OPCML: variants seen among roughly 807,000 people sequenced by gnomAD.
The protein encoded by OPCML is opioid-binding protein/cell adhesion molecule.
OPCML carries 13 observed loss-of-function variants against 37.8 expected under a neutral mutation model. That is an observed-to-expected ratio of 0.34 (90% CI 0.22 to 0.55). The LOEUF (loss-of-function observed/expected upper bound fraction) is 0.55, where lower values mean the gene tolerates loss of function less well. OPCML is among the 20% of genes least tolerant of loss of function. The pLI, the probability that OPCML is intolerant of heterozygous loss-of-function variation, is 0.91. For missense variants in OPCML, 341 were observed against 435.6 expected (o/e 0.78, Z 1.93); for synonymous variants, 176 against 168.8 (o/e 1.04, Z -0.33).
intron 1 of OPCML, among the ~76,000 whole-genome samples, chr11:132,993,031 G>A (rs1190132006): frequency 6.6e-6 from 1 of 151,740 alleles, no homozygotes; most frequent in South Asian, 2.1e-4. Context: ...AGTTTGTGCC[G>A]CAGTTCAGCC....
rs1946762486 is a variant in OPCML, at chr11:133,458,550, T to TGTGTGTATACACATATATACAC, written c.61+73713_61+73714insGTGTATATATGTGTATACACAC. The stretch of plus-strand genomic sequence containing the variant: ...GTGTGTGTATACACATATATACACG[T>TGTGTGTATACACATATATACAC]GTGTGTGTATACACATATATACACG... On this transcript the variant is annotated intron_variant, in intron 1 of 7. Coordinates refer to ENST00000524381, the MANE Select transcript of OPCML (RefSeq NM_001012393.5). Among the ~76,000 whole-genome samples, 9 of 79,242 alleles carry TGTGTGTATACACATATATACAC rather than the reference T, an allele frequency of 1.1e-4. No individual in the cohort carries two copies. In the South Asian group the frequency reaches 2.4e-3, roughly 22 times the overall value. 52.0% of individuals were successfully genotyped at this position (79,242 alleles called of 152,430 possible). A position where few individuals can be genotyped will look rare whatever the true frequency, so the allele number is the denominator to read the frequency against.
intron 2 of OPCML, among the ~76,000 whole-genome samples, chr11:132,803,311 G>A (rs577404390): frequency 2.6e-5 from 4 of 152,230 alleles, no homozygotes; most frequent in East Asian, 3.9e-4. Context: ...TAGATCAAAT[G>A]GCCATTCTAG....
Position 133,256,133 on chromosome 11 carries a change from G to C in OPCML, c.61+276131C>G, listed in dbSNP as rs145775900. Among the ~76,000 whole-genome samples, 1,420 of 152,272 alleles carry C rather than the reference G, an allele frequency of 9.3e-3. 12 individuals carry two copies. Among genetic ancestry groups the C allele is most frequent in the Non-Finnish European group, 0.012 (783 of 68,014 alleles). ...GCTTCTAAAGTTTTCCAAAGTTTAGGAGTCCTGAAGGAACTCGAGCATTGT... is the reference window on the plus strand; with the variant it reads ...GCTTCTAAAGTTTTCCAAAGTTTAGCAGTCCTGAAGGAACTCGAGCATTGT... On this transcript the variant is annotated intron_variant, in intron 1 of 7. Transcript: ENST00000524381.
chr11:133,437,550 T>C (rs146950234), intron 1 of OPCML, among the ~76,000 whole-genome samples: 361 of 152,212 alleles, frequency 2.4e-3, no homozygotes, highest in Non-Finnish European at 3.9e-3. Flanking sequence ...CCCTTCCGCT[T>C]TGAATGCAGG....
At chr11:132,796,178 G>C (rs1938299281) in intron 2 of OPCML, among the ~76,000 whole-genome samples, 1 of 152,052 alleles carries the variant, frequency 6.6e-6, no homozygotes, top group South Asian at 2.1e-4. Context: ...ATCTGCATGA[G>C]GTTCCAGAAT....
chr11:133,375,901 C>T (rs1944791956), intron 1 of OPCML, among the ~76,000 whole-genome samples: 1 of 152,114 alleles, frequency 6.6e-6, no homozygotes, highest in South Asian at 2.1e-4. Context: ...TTAGGAATCT[C>T]AAGACAAAAG....
intron 1 of OPCML, among the ~76,000 whole-genome samples, chr11:133,375,632 C>G (rs1944785507): frequency 6.6e-6 from 1 of 152,104 alleles, no homozygotes; most frequent in Non-Finnish European, 1.5e-5. Flanking sequence ...TGAGTGCCTA[C>G]TATACTCTGC....
At chr11:133,455,543 T>G (rs968752306) in intron 1 of OPCML, among the ~76,000 whole-genome samples, 16 of 152,172 alleles carry the variant, frequency 1.1e-4, no homozygotes, top group African/African-American at 3.9e-4. Context: ...TTTAAAACAA[T>G]TCTCCAGTTT....
rs542729595 is a variant in OPCML, at chr11:132,543,507, T to C, written c.380-14321A>G. On this transcript the variant is annotated intron_variant, in intron 3 of 7. Transcript: ENST00000524381. ...CAGCCTGGAGTACGGTGTCTCCAAG[T>C]GTCTCTAAAAAAGAAAAAAAATTAA... is the stretch of plus-strand genomic sequence containing the variant. 5.3e-5 allele frequency among the ~76,000 whole-genome samples: 8 copies of C among 151,860 alleles called. No individual in the cohort carries two copies. In the South Asian group the frequency reaches 8.3e-4, roughly 16 times the overall value.
chr11:132,608,241 G>A (rs1045604674), intron 3 of OPCML, among the ~76,000 whole-genome samples: 3 of 152,140 alleles, frequency 2.0e-5, no homozygotes, highest in African/African-American at 7.2e-5. Context: ...TGAATTCTAT[G>A]TGCTTGACTG....
chr11:133,242,961 G>A (rs1331851453), intron 1 of OPCML, among the ~76,000 whole-genome samples: 1 of 152,206 alleles, frequency 6.6e-6, no homozygotes, highest in Non-Finnish European at 1.5e-5. Flanking sequence ...AAATCAGGCA[G>A]TACAATGAAA....
chr11:133,384,247 C>CAAAAAAAAAAAAAAAA (rs1186998875), intron 1 of OPCML, among the ~76,000 whole-genome samples: 1 of 71,230 alleles, frequency 1.4e-5, no homozygotes, highest in African/African-American at 4.6e-5. Flanking sequence ...GGCCACTGTG[C>CAAAAAAAAAAAAAAAA]AAAAAAAAAA....
intron 1 of OPCML, among the ~76,000 whole-genome samples, chr11:133,207,833 C>T (rs1223241648): frequency 6.6e-6 from 1 of 152,064 alleles, no homozygotes; most frequent in Non-Finnish European, 1.5e-5. Flanking sequence ...ACCAGACATC[C>T]CTGTGGCATC....
At chr11:133,006,566 A>G (rs1030066985) in intron 1 of OPCML, 2 of 985,306 alleles carry the variant, frequency 2.0e-6, no homozygotes, top group African/African-American at 3.5e-5. Context: ...AAATTTTGCT[A>G]TAGGGTGCTG....
intron 4 of OPCML, among the ~76,000 whole-genome samples, chr11:132,458,665 T>G (rs1355602121): frequency 6.6e-6 from 1 of 152,236 alleles, no homozygotes; most frequent in Non-Finnish European, 1.5e-5. Context: ...TAAAAAACAC[T>G]GATAAACCCA....
intron 1 of OPCML, among the ~76,000 whole-genome samples, chr11:133,051,956 CG>C (rs1261308600): frequency 2.0e-5 from 3 of 152,114 alleles, no homozygotes; most frequent in Middle Eastern, 3.2e-3. Flanking sequence ...ACAGAGTCAG[CG>C]GGGAGGAGAT....
At chr11:133,261,964 C>A (rs1376812675) in intron 1 of OPCML, among the ~76,000 whole-genome samples, 1 of 152,136 alleles carries the variant, frequency 6.6e-6, no homozygotes, top group Non-Finnish European at 1.5e-5. Flanking sequence ...ATCCGGGCAC[C>A]ATTGTTCCTG....
chr11:133,356,872 C>G (rs1056615044), intron 1 of OPCML, among the ~76,000 whole-genome samples: 2 of 152,160 alleles, frequency 1.3e-5, no homozygotes, highest in Non-Finnish European at 2.9e-5. Flanking sequence ...ACAGGCTTAG[C>G]TGACAGTTTA....
intron 3 of OPCML, among the ~76,000 whole-genome samples, chr11:132,614,437 T>G (rs372132034): frequency 3.3e-5 from 5 of 152,210 alleles, no homozygotes; most frequent in African/African-American, 4.8e-5. Context: ...TGAGGCTCCA[T>G]AGCAGTGAGT....
Sources: allele counts gnomAD v4.1 joint callset (sites outside exome capture counted in the v4.1 genomes callset), GRCh38; gene constraint gnomAD v4.1.1; transcripts MANE v1.5; gene names NCBI Gene and HGNC (gene_info 2026-07-23, HGNC 2026-07-21).